The following ARNT2 variants were observed in gnomAD, a reference collection of about 807,000 sequenced individuals.
ARNT2 encodes aryl hydrocarbon receptor nuclear translocator 2.
ARNT2 carries 36 observed loss-of-function variants against 91.7 expected under a neutral mutation model. That is an observed-to-expected ratio of 0.39 (90% CI 0.30 to 0.52). The LOEUF is 0.52. Ranked by LOEUF, ARNT2 falls within the 20% of genes least tolerant of loss-of-function variation. ARNT2 has a pLI of 0.72. For synonymous variants in ARNT2, 365 were observed against 347.1 expected (o/e 1.05, Z -0.57); for missense variants, 775 against 939.3 (o/e 0.83, Z 2.29).
At chr15:80,405,192 C>T (rs1328942702) in intron 1 of ARNT2, among the ~76,000 whole-genome samples, 1 of 152,224 alleles carries the variant, frequency 6.6e-6, no homozygotes, top group Non-Finnish European at 1.5e-5. Flanking sequence ...TCTGTGACAA[C>T]TGAGCTCATT....
intron 12 of ARNT2, among the ~76,000 whole-genome samples, chr15:80,566,573 C>A (rs1898488460): frequency 6.6e-6 from 1 of 152,248 alleles, no homozygotes; most frequent in Non-Finnish European, 1.5e-5. Context: ...AGCTCCCCTC[C>A]CACCTGGCCC....
chr15:80,441,494 T>C (rs1381315280), intron 1 of ARNT2: 3 of 665,626 alleles, frequency 4.5e-6, no homozygotes, highest in African/African-American at 4.0e-5. Context: ...CTCCCAGCCA[T>C]GGAAAGAGCC....
At chr15:80,510,319 C>T (rs928716739) in intron 6 of ARNT2, among the ~76,000 whole-genome samples, 2 of 151,890 alleles carry the variant, frequency 1.3e-5, no homozygotes, top group African/African-American at 4.8e-5. Flanking sequence ...GGTTAAGATG[C>T]CTGTCTATAA....
chr15:80,519,934 A>G (rs1054929192), intron 8 of ARNT2, among the ~76,000 whole-genome samples: 3 of 141,534 alleles, frequency 2.1e-5, no homozygotes, highest in African/African-American at 8.0e-5. Context: ...TCCTGACCTC[A>G]TGCTCCGCCC....
intron 15 of ARNT2, 147 bp downstream of exon 15, chr15:80,577,112 G>C: frequency 1.4e-6 from 1 of 737,708 alleles, no homozygotes; most frequent in Non-Finnish European, 2.2e-6. Flanking sequence ...GATTCTGGTG[G>C]CTCTGCTTCT....
chr15:80,469,520 CTTATA>C (rs1312576877), intron 3 of ARNT2, among the ~76,000 whole-genome samples: 1 of 150,328 alleles, frequency 6.7e-6, no homozygotes, highest in African/African-American at 2.4e-5. Flanking sequence ...ATATTACATA[CTTATA>C]TTTATATATT....
chr15:80,569,393 GC>G (rs1294334872), intron 12 of ARNT2, among the ~76,000 whole-genome samples: 8 of 152,218 alleles, frequency 5.3e-5, no homozygotes, highest in African/African-American at 1.4e-4. Context: ...CTCCTGAGCA[GC>G]CCTGCTTTCT....
rs965703853 is a variant in ARNT2 at position 80,596,414 on chromosome 15, G to A, written c.*2716G>A. 6.6e-6 allele frequency: 1 copy of A among 152,258 alleles called. No homozygotes were observed. Among genetic ancestry groups the A allele is most frequent in the Non-Finnish European group, 1.5e-5 (1 of 68,116 alleles). 9.4% of individuals were successfully genotyped at this position (152,258 alleles called of 1,614,324 possible). A position where few individuals can be genotyped will look rare whatever the true frequency, so the allele number is the denominator to read the frequency against. On this transcript the variant is annotated 3_prime_UTR_variant, in exon 19 of 19. Coordinates refer to ENST00000303329, the MANE Select transcript of ARNT2 (RefSeq NM_014862.4). ...TAAGAAAATAGGGGTGATGGAGGGG[G>A]AGAAGCCCAGGACTGGGAGAATCGC... is the stretch of plus-strand genomic sequence containing the variant.
chr15:80,487,473 G>A lies in ARNT2; in HGVS notation c.622+12250G>A, dbSNP rs1285820091. Among the ~76,000 whole-genome samples the A allele has an allele frequency of 2.6e-5, 4 of 152,352 alleles. No individual in the cohort carries two copies. In the South Asian group the frequency reaches 6.2e-4, roughly 24 times the overall value. On this transcript the variant is annotated intron_variant, in intron 5 of 18. Transcript: ENST00000303329. ...AGATGGGCCAGAATGTCTGAGTGGG[G>A]AACAAGCCATGCACATCCAGGAGTT... is the stretch of plus-strand genomic sequence containing the variant.
intron 4 of ARNT2, among the ~76,000 whole-genome samples, chr15:80,474,296 G>A (rs1241161980): frequency 6.6e-6 from 1 of 152,142 alleles, no homozygotes. Context: ...GAATCAATGT[G>A]AGCTGAAGGT....
chr15:80,427,913 C>T (rs1050659154), intron 1 of ARNT2, among the ~76,000 whole-genome samples: 19 of 152,206 alleles, frequency 1.2e-4, no homozygotes, highest in African/African-American at 4.6e-4. Context: ...TACATCTGGC[C>T]TTGTTTCCTT....
intron 8 of ARNT2, among the ~76,000 whole-genome samples, chr15:80,516,853 A>ATATATATATC (rs1157966395): frequency 9.3e-5 from 13 of 139,048 alleles, no homozygotes; most frequent in African/African-American, 3.2e-4. Context: ...ATATATATAT[A>ATATATATATC]TATCCATGTT....
intron 8 of ARNT2, among the ~76,000 whole-genome samples, chr15:80,516,862 T>TATATATATATATATATATA: frequency 7.0e-6 from 1 of 143,532 alleles, no homozygotes; most frequent in Admixed American, 7.0e-5. Flanking sequence ...TATATCCATG[T>TATATATATATATATATATA]TCAAAAAATA....
intron 1 of ARNT2, among the ~76,000 whole-genome samples, chr15:80,432,508 C>G (rs1048958614): frequency 6.6e-6 from 1 of 152,208 alleles, no homozygotes; most frequent in Admixed American, 6.5e-5. Context: ...CAACCACCCC[C>G]ACTCATTTAT....
Position 80,552,675 on chromosome 15 carries a change from G to A in ARNT2, c.990G>A (p.Gly330=), listed in dbSNP as rs927856617. The change falls in exon 10 of 19, where the codon GGG becomes GGA. Residue 330 remains glycine, a synonymous_variant. Transcript: ENST00000303329. The part of the protein sequence containing the change: ...TSSPVCMDMN[G]MSVPTEFLSR... ...CTCCTGTATGCATGGACATGAATGG[G>A]ATGTCGGTGCCCACAGAGTTCTTAT... 4 of 1,614,006 alleles carry A rather than the reference G, an allele frequency of 2.5e-6. No homozygotes were observed. In the African/African-American group the frequency reaches 5.3e-5, roughly 22 times the overall value.
In ARNT2 at chr15:80,575,077, C is replaced by T. The variant is rs1898648789; in HGVS notation, c.1480C>T (p.Arg494Trp). 4.3e-6 allele frequency: 7 copies of T among 1,614,172 alleles called. No individual in the cohort carries two copies. The highest frequency in any genetic ancestry group is 5.9e-6 in the Non-Finnish European group (7 of 1,180,028). The change falls in exon 14 of 19, where the codon CGG (arginine) becomes TGG (tryptophan). Residue 494 changes from arginine (R) to tryptophan (W), a missense_variant. Arg to Trp is a moderately radical substitution (Grantham distance 101). Around this residue, in one of 5 missense-constraint regions of ARNT2, gnomAD observed 325 missense variants for 359.9 expected, o/e 0.90. Transcript: ENST00000303329. ...AATCTTCTCCCAGGAAAGAGATCCT[C>T]GGTTTGCTGAAATGTTTGCAGGAAT... Reference protein sequence around the residue: ...DAIFSQERDPRFAEMFAGISA... With the variant: ...DAIFSQERDPWFAEMFAGISA...
chr15:80,458,673 T>A (rs1896512716), intron 3 of ARNT2, among the ~76,000 whole-genome samples: 1 of 152,078 alleles, frequency 6.6e-6, no homozygotes, highest in South Asian at 2.1e-4. Context: ...TGTCTTTTTT[T>A]TTTTTCCATT....
intron 6 of ARNT2, among the ~76,000 whole-genome samples, chr15:80,513,559 T>C (rs1202696335): frequency 6.6e-6 from 1 of 152,134 alleles, no homozygotes; most frequent in East Asian, 1.9e-4. Flanking sequence ...CCCTCTTCCC[T>C]TCTTTCCTAA....
chr15:80,505,927 GT>G (rs1161520898), intron 5 of ARNT2, among the ~76,000 whole-genome samples: 37,427 of 88,654 alleles, frequency 0.42, 6,438 homozygotes, highest in East Asian at 0.7. Flanking sequence ...AACATTTGTT[GT>G]TTTTTTTTTT....
Sources: gnomAD v4.1 joint callset for allele counts (sites outside exome capture counted in the v4.1 genomes callset) on GRCh38, gnomAD v4.1.1 for gene constraint, gnomAD v4.1.1 regional missense constraint, MANE v1.5 for transcripts, NCBI Gene and HGNC (gene_info 2026-07-23, HGNC 2026-07-21) for gene names.